The following THRB variants were observed in gnomAD, a reference collection of about 807,000 sequenced individuals.
The protein encoded by THRB is thyroid hormone receptor beta.
A neutral mutation model predicts 47.8 loss-of-function variants in THRB; 12 were observed. The ratio of observed to expected loss-of-function variants is 0.25; its 90% CI spans 0.16 to 0.41. The LOEUF is 0.41. Among genes scored for constraint, THRB ranks in the 10% least tolerant of loss-of-function variants. The pLI, the probability that THRB is intolerant of heterozygous loss-of-function variation, is 1.00. For missense variants in THRB, 348 were observed against 589.2 expected (o/e 0.59, Z 4.24); for synonymous variants, 218 against 212.2 (o/e 1.03, Z -0.24).
chr3:24,371,199 G>A (rs1505287), intron 1 of THRB, among the ~76,000 whole-genome samples: 45,896 of 151,742 alleles, frequency 0.3, 8,496 homozygotes, highest in East Asian at 0.48. Context: ...GACAAACTTA[G>A]CTTAAGATTA....
At position 24,463,975 on chromosome 3, in the gene THRB, G is replaced by T. The variant is rs181362815; in HGVS notation, c.-261+30677C>A. ...TTAAGAAATGGTTGCGGCTGGGCGCGGTGGCTCACGCCTGTAATCCCAGCA... is the reference window on the plus strand; with the variant it reads ...TTAAGAAATGGTTGCGGCTGGGCGCTGTGGCTCACGCCTGTAATCCCAGCA... On this transcript the variant is annotated intron_variant, in intron 1 of 10. Coordinates refer to ENST00000646209, the MANE Select transcript of THRB (RefSeq NM_001354712.2). 6.4e-3 allele frequency among the ~76,000 whole-genome samples: 973 copies of T among 152,268 alleles called. 11 individuals are homozygous for T. The highest frequency in any genetic ancestry group is 0.022 in the African/African-American group (916 of 41,564).
chr3:24,154,735 GCAGATGGAATATA>G (rs1480433827), intron 5 of THRB, among the ~76,000 whole-genome samples: 2 of 152,140 alleles, frequency 1.3e-5, no homozygotes, highest in Non-Finnish European at 2.9e-5. Context: ...CCTGGTAAAG[GCAGATGGAATATA>G]CAGACCCATA....
chr3:24,180,230 G>A (rs1046977206), intron 5 of THRB, among the ~76,000 whole-genome samples: 1 of 152,102 alleles, frequency 6.6e-6, no homozygotes, highest in African/African-American at 2.4e-5. Context: ...TAGTCCTGAG[G>A]CTTAACTAAA....
At chr3:24,161,731 T>C (rs936218384) in intron 5 of THRB, among the ~76,000 whole-genome samples, 2 of 151,622 alleles carry the variant, frequency 1.3e-5, no homozygotes, top group Non-Finnish European at 2.9e-5. Context: ...AGTTTCTGCT[T>C]CAGTTATTAA....
At chr3:24,337,140 T>G (rs561152566) in intron 2 of THRB, among the ~76,000 whole-genome samples, 160 bp downstream of exon 2, 2 of 152,318 alleles carry the variant, frequency 1.3e-5, no homozygotes, top group African/African-American at 4.8e-5. Context: ...TTTAGTTCAT[T>G]TAATGCTTTA....
intron 5 of THRB, among the ~76,000 whole-genome samples, chr3:24,169,203 T>C (rs2040091239): frequency 6.6e-6 from 1 of 152,180 alleles, no homozygotes; most frequent in African/African-American, 2.4e-5. Context: ...GTTTCCCCTT[T>C]GTCAATATGT....
chr3:24,174,444 T>C (rs983830564), intron 5 of THRB, among the ~76,000 whole-genome samples: 15 of 152,174 alleles, frequency 9.9e-5, no homozygotes, highest in African/African-American at 3.4e-4. Flanking sequence ...ATACCTCTCA[T>C]CTTACTCTGA....
intron 1 of THRB, among the ~76,000 whole-genome samples, chr3:24,343,726 C>T (rs1378778826): frequency 6.6e-6 from 1 of 151,806 alleles, no homozygotes. Context: ...CAAATAGCAC[C>T]CAGACAGGCA....
intron 5 of THRB, among the ~76,000 whole-genome samples, chr3:24,155,752 G>A (rs1384698337): frequency 6.6e-6 from 1 of 152,300 alleles, no homozygotes; most frequent in East Asian, 1.9e-4. Context: ...GTTGCCAAGA[G>A]TGGACACTGA....
intron 5 of THRB, among the ~76,000 whole-genome samples, chr3:24,177,381 A>G (rs1313770816): frequency 6.6e-6 from 1 of 152,160 alleles, no homozygotes; most frequent in East Asian, 1.9e-4. Flanking sequence ...CTGTTTGAAA[A>G]ATCCTACGAA....
chr3:24,349,757 G>A (rs111982769), intron 1 of THRB, among the ~76,000 whole-genome samples: 2,592 of 152,012 alleles, frequency 0.017, 81 homozygotes, highest in African/African-American at 0.057. Context: ...GATAACATAT[G>A]GGAATATATT....
intron 5 of THRB, among the ~76,000 whole-genome samples, chr3:24,169,873 C>T (rs2040199739): frequency 6.6e-6 from 1 of 152,042 alleles, no homozygotes; most frequent in African/African-American, 2.4e-5. Context: ...TGCTTTTGTG[C>T]TACCATGGCA....
chr3:24,167,929 T>G (rs1325601913), intron 5 of THRB, among the ~76,000 whole-genome samples: 2 of 152,174 alleles, frequency 1.3e-5, no homozygotes, highest in Non-Finnish European at 2.9e-5. Flanking sequence ...AAAGAATAGC[T>G]GCTGAAAAAC....
chr3:24,315,635 G>C (rs1412858039), intron 2 of THRB, among the ~76,000 whole-genome samples: 3 of 152,130 alleles, frequency 2.0e-5, no homozygotes, highest in African/African-American at 7.2e-5. Flanking sequence ...TAAACCCCTA[G>C]TGAAATGAGA....
chr3:24,222,638 G>C (rs991492917), intron 4 of THRB, among the ~76,000 whole-genome samples: 1 of 152,164 alleles, frequency 6.6e-6, no homozygotes, highest in African/African-American at 2.4e-5. Context: ...CCTCCCTTCT[G>C]CCCTCAAGGA....
chr3:24,175,788 C>T (rs1211141383), intron 5 of THRB, among the ~76,000 whole-genome samples: 1 of 152,104 alleles, frequency 6.6e-6, no homozygotes, highest in Non-Finnish European at 1.5e-5. Context: ...ATGATGAGGT[C>T]TATTGCATGG....
intron 1 of THRB, chr3:24,458,782 T>C (rs1447053633): frequency 1.3e-5 from 2 of 152,014 alleles, no homozygotes; most frequent in Admixed American, 6.6e-5. Flanking sequence ...TGCAAACCAA[T>C]AGTCACATTA....
At chr3:24,151,335 G>A (rs1477102190) in intron 6 of THRB, among the ~76,000 whole-genome samples, 2 of 152,162 alleles carry the variant, frequency 1.3e-5, no homozygotes, top group South Asian at 4.1e-4. Context: ...TGTTGATTTG[G>A]GGGCTTTACG....
At chr3:24,224,424 A>AC (rs1251131442) in intron 4 of THRB, among the ~76,000 whole-genome samples, 71 of 152,280 alleles carry the variant, frequency 4.7e-4, no homozygotes, top group African/African-American at 1.4e-3. Flanking sequence ...AACATTAGTT[A>AC]TTTTTGAATG....
Sources: gnomAD v4.1 joint callset for allele counts (sites outside exome capture counted in the v4.1 genomes callset) on GRCh38, gnomAD v4.1.1 for gene constraint, MANE v1.5 for transcripts, NCBI Gene and HGNC (gene_info 2026-07-23, HGNC 2026-07-21) for gene names.